PRKG1: variants seen among roughly 807,000 people sequenced by gnomAD.
The protein encoded by PRKG1 is cGMP-dependent protein kinase 1.
Under a neutral mutation model 88.1 loss-of-function variants are expected in PRKG1, and 35 were observed. The observed-to-expected ratio is 0.40, with a 90% confidence interval of 0.30 to 0.53. The LOEUF is 0.53. Ranked by LOEUF, PRKG1 falls within the 20% of genes least tolerant of loss-of-function variation. PRKG1 has a pLI of 0.59. For synonymous variants in PRKG1, 303 were observed against 292.5 expected, an observed-to-expected ratio of 1.04 and a Z score of -0.37; for missense variants, 540 against 839.8, an observed-to-expected ratio of 0.64 and a Z score of 4.41.
At chr10:51,505,337 G>T (rs896004831) in intron 3 of PRKG1, among the ~76,000 whole-genome samples, 7 of 152,160 alleles carry the variant, frequency 4.6e-5, no homozygotes, top group African/African-American at 1.7e-4. Context: ...GATCATGGTG[G>T]ATAAGCTTTT....
intron 3 of PRKG1, among the ~76,000 whole-genome samples, chr10:51,484,263 T>C (rs1432418519): frequency 6.6e-6 from 1 of 152,182 alleles, no homozygotes; most frequent in Non-Finnish European, 1.5e-5. Flanking sequence ...ACCTGAGCCC[T>C]ATTAGCAGTT....
intron 4 of PRKG1, among the ~76,000 whole-genome samples, chr10:51,870,153 G>A (rs965486155): frequency 1.3e-5 from 2 of 152,068 alleles, no homozygotes; most frequent in Admixed American, 1.3e-4. Flanking sequence ...GACCTTAAAC[G>A]CTTTAGCTTT....
chr10:52,013,072 A>G (rs1844936865), intron 5 of PRKG1, among the ~76,000 whole-genome samples: 1 of 152,228 alleles, frequency 6.6e-6, no homozygotes, highest in Admixed American at 6.5e-5. Flanking sequence ...CTGCATACGT[A>G]TAATTCTAAT....
intron 1 of PRKG1, among the ~76,000 whole-genome samples, chr10:51,039,604 C>T (rs1457974664): frequency 1.3e-5 from 2 of 151,448 alleles, no homozygotes; most frequent in Non-Finnish European, 3.0e-5. Flanking sequence ...TTTGTTTTGT[C>T]TTTTAACGTG....
chr10:51,070,928 G>T (rs180939823), upstream of PRKG1, among the ~76,000 whole-genome samples: 5 of 152,288 alleles, frequency 3.3e-5, no homozygotes, highest in Non-Finnish European at 7.4e-5. Flanking sequence ...AAATTGCATT[G>T]TTCTAACTGT....
At chr10:52,045,446 T>G (rs1845840422) in intron 5 of PRKG1, among the ~76,000 whole-genome samples, 1 of 152,074 alleles carries the variant, frequency 6.6e-6, no homozygotes, top group African/African-American at 2.4e-5. Context: ...CAAGGCAAAG[T>G]TCAAGGTGAA....
chr10:51,423,035 A>G (rs993383298), intron 2 of PRKG1, among the ~76,000 whole-genome samples: 7 of 151,670 alleles, frequency 4.6e-5, no homozygotes, highest in Admixed American at 2.6e-4. Flanking sequence ...CCTTACTTAT[A>G]GAAGCCAAAT....
At chr10:51,361,852 A>C (rs1564461847) in intron 2 of PRKG1, among the ~76,000 whole-genome samples, 1 of 151,888 alleles carries the variant, frequency 6.6e-6, no homozygotes, top group Non-Finnish European at 1.5e-5. Context: ...ATTAATTCTA[A>C]TCAATCTATT....
chr10:51,695,225 T>TTCTC (rs746914420), intron 3 of PRKG1, among the ~76,000 whole-genome samples: 1 of 152,180 alleles, frequency 6.6e-6, no homozygotes, highest in East Asian at 1.9e-4. Context: ...TACAGAGGAA[T>TTCTC]TCTCTCTGGG....
intron 3 of PRKG1, among the ~76,000 whole-genome samples, chr10:51,528,183 A>T (rs892640681): frequency 6.6e-6 from 1 of 152,220 alleles, no homozygotes; most frequent in African/African-American, 2.4e-5. Context: ...ACCCACCACA[A>T]CAGTGAGCTA....
intron 9 of PRKG1, among the ~76,000 whole-genome samples, chr10:52,206,004 T>C (rs555426635): frequency 2.0e-5 from 3 of 152,366 alleles, no homozygotes; most frequent in Admixed American, 2.0e-4. Context: ...TTTCCTCTAA[T>C]ATGCCTTGCA....
chr10:51,775,384 A>C (rs1027954097), intron 3 of PRKG1, among the ~76,000 whole-genome samples: 8 of 152,080 alleles, frequency 5.3e-5, no homozygotes, highest in African/African-American at 1.9e-4. Context: ...TACTTATATT[A>C]ATATTTCAAA....
chr10:51,149,641 G>C (rs988073595), intron 1 of PRKG1, among the ~76,000 whole-genome samples: 1 of 152,094 alleles, frequency 6.6e-6, no homozygotes, highest in African/African-American at 2.4e-5. Flanking sequence ...TATCATGTTG[G>C]TTTCAGAATT....
At chr10:51,699,562 G>T in intron 3 of PRKG1, 1 of 1,599,980 alleles carries the variant, frequency 6.3e-7, no homozygotes, top group Non-Finnish European at 8.5e-7. Flanking sequence ...TTCCGGTTGT[G>T]CAGACAGCCG....
chr10:51,724,058 G>A (rs1488284127), intron 3 of PRKG1, among the ~76,000 whole-genome samples: 1 of 152,126 alleles, frequency 6.6e-6, no homozygotes, highest in Non-Finnish European at 1.5e-5. Context: ...GTGTGTCTGA[G>A]TGGACTAGGT....
intron 9 of PRKG1, among the ~76,000 whole-genome samples, chr10:52,197,149 T>C (rs931155426): frequency 1.3e-5 from 2 of 152,178 alleles, no homozygotes; most frequent in Non-Finnish European, 2.9e-5. Context: ...TTCAGATTTT[T>C]TTGTGTATTT....
chr10:51,277,988 A>G (rs1381209633), intron 2 of PRKG1, among the ~76,000 whole-genome samples: 2 of 152,140 alleles, frequency 1.3e-5, no homozygotes, highest in African/African-American at 2.4e-5. Flanking sequence ...TTCCAACACT[A>G]TGTTGAATAG....
chr10:51,367,324 G>A (rs1406739765), intron 2 of PRKG1, among the ~76,000 whole-genome samples: 1 of 151,756 alleles, frequency 6.6e-6, no homozygotes, highest in Non-Finnish European at 1.5e-5. Context: ...TTGGCAACAG[G>A]GTAACTCAAC....
intron 3 of PRKG1, among the ~76,000 whole-genome samples, chr10:51,560,989 G>A (rs972019565): frequency 1.3e-5 from 2 of 151,908 alleles, no homozygotes; most frequent in Non-Finnish European, 2.9e-5. Flanking sequence ...GCTCATGCCT[G>A]TAATCCTAGT....
Sources: gnomAD v4.1 joint callset for allele counts (sites outside exome capture counted in the v4.1 genomes callset) on GRCh38, gnomAD v4.1.1 for gene constraint, MANE v1.5 for transcripts, NCBI Gene and HGNC (gene_info 2026-07-23, HGNC 2026-07-21) for gene names.